The following COL14A1 variants were observed in gnomAD, a reference collection of about 807,000 sequenced individuals.
COL14A1 encodes the protein collagen type XIV alpha 1 chain, also known as collagen alpha-1(XIV) chain.
A neutral mutation model predicts 230.3 loss-of-function variants in COL14A1; 136 were observed. The observed-to-expected ratio is 0.59, with a 90% CI of 0.51 to 0.68. The LOEUF (loss-of-function observed/expected upper bound fraction) is 0.68. COL14A1 is among the 30% of genes least tolerant of loss of function. COL14A1 has a pLI of 0.00. For synonymous variants in COL14A1, 792 were observed against 784.1 expected, an observed-to-expected ratio of 1.01 and a Z score of -0.17; for missense variants, 1,976 against 2,215.8, an observed-to-expected ratio of 0.89 and a Z score of 2.17.
At chr8:120,277,890 A>C (rs1243130797) in intron 26 of COL14A1, 1 of 286,014 alleles carries the variant, frequency 3.5e-6, no homozygotes, top group Non-Finnish European at 6.5e-6. Context: ...AAACCTACAC[A>C]ATGTACCCTC....
intron 37 of COL14A1, among the ~76,000 whole-genome samples, chr8:120,311,556 C>A (rs779249133): frequency 1.5e-4 from 23 of 152,090 alleles, no homozygotes; most frequent in Non-Finnish European, 2.4e-4. Flanking sequence ...TGGAAAAAGT[C>A]TTATTGGACA....
At chr8:120,363,531 A>G (rs957643251) in intron 45 of COL14A1, among the ~76,000 whole-genome samples, 1 of 152,240 alleles carries the variant, frequency 6.6e-6, no homozygotes, top group Non-Finnish European at 1.5e-5. Flanking sequence ...GCACACATTT[A>G]CCTGTGTAGC....
At chr8:120,342,331 G>T in intron 43 of COL14A1, 49 bp from the exon 44 acceptor site, 1 of 1,573,434 alleles carries the variant, frequency 6.4e-7, no homozygotes, top group Non-Finnish European at 8.7e-7. Context: ...TCCTGGTAGT[G>T]TGGCTGGGCT....
At chr8:120,284,068 G>T (rs1441406078) in intron 32 of COL14A1, among the ~76,000 whole-genome samples, 1 of 152,178 alleles carries the variant, frequency 6.6e-6, no homozygotes, top group Non-Finnish European at 1.5e-5. Flanking sequence ...TACAGACAGA[G>T]CAAGGCCCTT....
At chr8:120,270,657 A>G (rs1194177541) in intron 26 of COL14A1, among the ~76,000 whole-genome samples, 1 of 151,762 alleles carries the variant, frequency 6.6e-6, no homozygotes, top group African/African-American at 2.4e-5. Flanking sequence ...TGTGGGGCTC[A>G]TATTCTTAAA....
intron 45 of COL14A1, among the ~76,000 whole-genome samples, chr8:120,357,632 C>T (rs1823032350): frequency 6.6e-6 from 1 of 152,098 alleles, no homozygotes; most frequent in African/African-American, 2.4e-5. Context: ...TAAATTAAAA[C>T]AAGTCCTTCT....
intron 1 of COL14A1, among the ~76,000 whole-genome samples, chr8:120,141,597 G>A (rs1462824317): frequency 2.0e-5 from 3 of 152,044 alleles, no homozygotes; most frequent in Non-Finnish European, 4.4e-5. Flanking sequence ...ATAAGCTATG[G>A]TTACAATGCT....
chr8:120,157,488 C>G (rs1186405119), intron 2 of COL14A1, among the ~76,000 whole-genome samples: 3 of 152,244 alleles, frequency 2.0e-5, no homozygotes, highest in African/African-American at 7.2e-5. Context: ...AAAATTTATC[C>G]TTGTAACATA....
chr8:120,162,657 A>G (rs1815722101), intron 4 of COL14A1, 88 bp downstream of exon 4: 1 of 1,204,510 alleles, frequency 8.3e-7, no homozygotes, highest in Non-Finnish European at 1.1e-6. Flanking sequence ...ACAACTTAAA[A>G]TTCTAGATTT....
intron 10 of COL14A1, 61 bp downstream of exon 10, chr8:120,207,155 T>G: frequency 7.3e-7 from 1 of 1,369,746 alleles, no homozygotes; most frequent in South Asian, 1.4e-5. Context: ...TCTACAATAG[T>G]GAGAACAAGG....
At chr8:120,255,130 C>A in intron 22 of COL14A1, 110 bp from the exon 23 acceptor site, 1 of 788,760 alleles carries the variant, frequency 1.3e-6, no homozygotes, top group Non-Finnish European at 2.3e-6. Context: ...GATTTCCCAG[C>A]TCTGACTATG....
intron 23 of COL14A1, among the ~76,000 whole-genome samples, chr8:120,260,641 T>A (rs112391902): frequency 5.1e-4 from 78 of 152,218 alleles, no homozygotes; most frequent in African/African-American, 1.7e-3. Flanking sequence ...TAGAGGGAAA[T>A]TTGAATAATT....
Position 120,266,871 on chromosome 8 carries a change from C to A in COL14A1, c.3061C>A (p.Pro1021Thr). Reference protein sequence around the residue: ...RPPTFPPTIPPAKEVCKAAKA... With the variant: ...RPPTFPPTIPTAKEVCKAAKA... Reference sequence around the variant, plus strand: ...ACCAACTTTTCCTCCAACCATTCCACCAGCAAAAGAAGGTAAAAGAATAAT... The same window carrying A: ...ACCAACTTTTCCTCCAACCATTCCAACAGCAAAAGAAGGTAAAAGAATAAT... The change falls in exon 25 of 48, where the codon CCA (proline) becomes ACA (threonine). Residue 1021 changes from proline to threonine, a missense_variant. Coordinates refer to ENST00000297848, the MANE Select transcript of COL14A1 (RefSeq NM_021110.4). 6.2e-7 allele frequency: 1 copy of A among 1,611,296 alleles called. No individual in the cohort carries two copies. The highest frequency in any genetic ancestry group is 8.5e-7 in the Non-Finnish European group (1 of 1,177,816).
At chr8:120,197,013 A>G in intron 6 of COL14A1, 67 bp downstream of exon 6, 1 of 1,478,054 alleles carries the variant, frequency 6.8e-7, no homozygotes, top group Non-Finnish European at 9.3e-7. Flanking sequence ...GTATTTTAAG[A>G]AATTTCAAAA....
At chr8:120,290,638 C>A (rs1993391) in intron 34 of COL14A1, among the ~76,000 whole-genome samples, 102,153 of 152,106 alleles carry the variant, frequency 0.67, 35,846 homozygotes, top group African/African-American at 0.89. Flanking sequence ...GGTAGTTCTC[C>A]AAGACTTTTA....
intron 42 of COL14A1, among the ~76,000 whole-genome samples, chr8:120,338,543 T>C (rs562156978): frequency 1.4e-4 from 21 of 152,286 alleles, no homozygotes; most frequent in African/African-American, 4.6e-4. Context: ...GAGTTAATCT[T>C]ATAGGAGTAT....
intron 26 of COL14A1, among the ~76,000 whole-genome samples, chr8:120,272,364 G>T (rs1819693347): frequency 1.3e-5 from 2 of 151,452 alleles, no homozygotes; most frequent in Admixed American, 1.3e-4. Context: ...AAACTCATAG[G>T]GCCTATAAAA....
intron 23 of COL14A1, among the ~76,000 whole-genome samples, chr8:120,259,224 G>C (rs1819254112): frequency 6.6e-6 from 1 of 152,132 alleles, no homozygotes; most frequent in South Asian, 2.1e-4. Context: ...AATTCTACCA[G>C]AGTAGTTACC....
At chr8:120,362,441 A>G (rs1235504153) in intron 45 of COL14A1, among the ~76,000 whole-genome samples, 2 of 152,168 alleles carry the variant, frequency 1.3e-5, no homozygotes, top group Non-Finnish European at 2.9e-5. Context: ...TCATTCATCC[A>G]TTGCTTTAAC....
Sources: gnomAD v4.1 joint callset for allele counts (sites outside exome capture counted in the v4.1 genomes callset) on GRCh38, gnomAD v4.1.1 for gene constraint, MANE v1.5 for transcripts, NCBI Gene and HGNC (gene_info 2026-07-23, HGNC 2026-07-21) for gene names.